The following MACF1 variants were observed in gnomAD, a reference collection of about 807,000 sequenced individuals.
MACF1 encodes the protein microtubule-actin cross-linking factor 1.
A neutral mutation model predicts 854.8 loss-of-function variants in MACF1; 193 were observed. The observed-to-expected ratio is 0.23, with a 90% CI of 0.20 to 0.25. The LOEUF is 0.25. MACF1 is among the 10% of genes least tolerant of loss of function. MACF1 has a pLI of 1.00. For synonymous variants in MACF1, 3,185 were observed against 3,226.7 expected (o/e 0.99, Z 0.44); for missense variants, 7,722 against 8,929.1 (o/e 0.86, Z 5.45).
Position 39,283,553 on chromosome 1 carries a change from A to T in MACF1, c.915+38A>T. The stretch of plus-strand genomic sequence containing the variant: ...TTTCCTAGAAGGCCTTCTGACTTTG[A>T]TTCATTTGGGTGAAATGCATTGGTT... On this transcript the variant is annotated intron_variant, in intron 9 of 100. Transcript: ENST00000564288. The surrounding 1 kb of genome is among the most constrained non-coding windows in gnomAD (Gnocchi z 4.5). The T allele has an allele frequency of 6.9e-7, 1 of 1,446,570 alleles. No homozygotes were observed. Among genetic ancestry groups the T allele is most frequent in the South Asian group, 1.1e-5 (1 of 87,030 alleles). 89.6% of individuals were successfully genotyped at this position (1,446,570 alleles called of 1,614,324 possible). A position where few individuals can be genotyped will look rare whatever the true frequency, so the allele number is the denominator to read the frequency against.
intron 89 of MACF1, chr1:39,458,125 GC>G: frequency 2.5e-6 from 1 of 395,548 alleles, no homozygotes. Flanking sequence ...TGAGGAATTT[GC>G]CCCCATAACT....
chr1:39,427,416 C>CT (rs1328517555), intron 61 of MACF1, 39 bp from the exon 62 acceptor site: 5 of 1,595,068 alleles, frequency 3.1e-6, no homozygotes, highest in Non-Finnish European at 4.3e-6. Flanking sequence ...TTTAATGTGA[C>CT]TTTTCTTCCT....
chr1:39,100,689 A>G (rs945986324), intron 2 of MACF1, among the ~76,000 whole-genome samples: 3 of 151,814 alleles, frequency 2.0e-5, no homozygotes, highest in African/African-American at 7.3e-5. Context: ...CCCCATCTCT[A>G]CGAAAAATAC....
chr1:39,438,303 C>T (rs1644024328), intron 71 of MACF1, among the ~76,000 whole-genome samples: 1 of 152,186 alleles, frequency 6.6e-6, no homozygotes, highest in Non-Finnish European at 1.5e-5. Flanking sequence ...TTTTGTAACA[C>T]TTTCCATGGG....
At chr1:39,237,680 T>G (rs1477738428) in intron 2 of MACF1, among the ~76,000 whole-genome samples, 1 of 151,960 alleles carries the variant, frequency 6.6e-6, no homozygotes, top group East Asian at 1.9e-4. Flanking sequence ...CTGATCAAAA[T>G]TACTTGTTCT....
At chr1:39,286,592 G>A (rs1315347975) in intron 14 of MACF1, among the ~76,000 whole-genome samples, 10 of 151,522 alleles carry the variant, frequency 6.6e-5, no homozygotes, top group Admixed American at 4.6e-4. Flanking sequence ...TCAGCCTCCG[G>A]AGTAGCTGGG....
chr1:39,372,449 C>G (rs1465540845), intron 51 of MACF1, 30 bp from the exon 52 acceptor site: 2 of 1,330,454 alleles, frequency 1.5e-6, no homozygotes, highest in Non-Finnish European at 2.2e-6. Context: ...GCCCCAGATA[C>G]TACATTTGGC....
At chr1:39,216,865 C>T (rs1252691506) in intron 1 of MACF1, among the ~76,000 whole-genome samples, 1 of 152,030 alleles carries the variant, frequency 6.6e-6, no homozygotes, top group East Asian at 1.9e-4. Context: ...TAATGTAGCC[C>T]CATCTCCCCC....
intron 2 of MACF1, among the ~76,000 whole-genome samples, chr1:39,128,540 C>CA (rs1196275163): frequency 6.0e-5 from 9 of 150,984 alleles, no homozygotes; most frequent in South Asian, 2.1e-4. Flanking sequence ...ACTAAAAATA[C>CA]AAAAAAAAAT....
rs777954340 is a variant in MACF1 at position 39,334,433 on chromosome 1, G to T, written c.7845G>T (p.Met2615Ile). 3.1e-6 allele frequency: 5 copies of T among 1,614,036 alleles called. No homozygotes were observed. Among genetic ancestry groups the T allele is most frequent in the Middle Eastern group, 1.6e-4 (1 of 6,062 alleles). Residue 2615 changes from methionine (M) to isoleucine (I), a missense_variant, in exon 37 of 101, where the codon ATG (methionine) becomes ATT (isoleucine). By Grantham distance (10) the Met-to-Ile change is conservative. Around this residue, in one of 15 missense-constraint regions of MACF1, gnomAD observed 1,531 missense variants for 1,601.6 expected, o/e 0.96. Coordinates refer to ENST00000564288, the MANE Select transcript of MACF1 (RefSeq NM_001394062.1). ...TNEAVLSPGMMHGIVDPENCR... is the reference protein window; with the variant it reads ...TNEAVLSPGMIHGIVDPENCR... ...AAGCAGTATTGTCTCCAGGAATGAT[G>T]CATGGCATTGTAGATCCCGAGAACT... is the stretch of plus-strand genomic sequence containing the variant.
chr1:39,230,611 G>A (rs1298817790), intron 1 of MACF1, among the ~76,000 whole-genome samples: 1 of 151,814 alleles, frequency 6.6e-6, no homozygotes, highest in Non-Finnish European at 1.5e-5. Context: ...GGAGAAAAAA[G>A]GAGTTTGCTG....
rs375426522 is a variant in MACF1, at chr1:39,335,199, C to T, written c.8611C>T (p.His2871Tyr). Reference sequence around the variant, plus strand: ...AGAATTTATCAGTATCATAAATCCTCATAATCTTAAAGGTAAATCCTTGGG... The same window carrying T: ...AGAATTTATCAGTATCATAAATCCTTATAATCTTAAAGGTAAATCCTTGGG... ...AKEFISIINP[H>Y]NLKGKSLGQV... The change falls in exon 37 of 101, where the codon CAT (histidine) becomes TAT (tyrosine). Residue 2871 changes from histidine to tyrosine, a missense_variant. His to Tyr is a moderately conservative substitution (Grantham distance 83, BLOSUM62 2). Around this residue, in one of 15 missense-constraint regions of MACF1, gnomAD observed 854 missense variants for 852.6 expected, o/e 1.00. Coordinates refer to ENST00000564288, the MANE Select transcript of MACF1 (RefSeq NM_001394062.1). 6.2e-7 allele frequency: 1 copy of T among 1,613,840 alleles called. No homozygotes were observed. Among genetic ancestry groups the T allele is most frequent in the Non-Finnish European group, 8.5e-7 (1 of 1,179,944 alleles).
chr1:39,361,816 C>T (rs1206926876), intron 49 of MACF1, 139 bp downstream of exon 49: 6 of 786,732 alleles, frequency 7.6e-6, no homozygotes, highest in Non-Finnish European at 1.2e-5. Flanking sequence ...TACAGTGATC[C>T]CGTAAACTAG....
chr1:39,166,181 C>T (rs953652234), intron 2 of MACF1, among the ~76,000 whole-genome samples: 4 of 151,594 alleles, frequency 2.6e-5, no homozygotes, highest in Non-Finnish European at 5.9e-5. Context: ...GATTCTCCTG[C>T]GTCAGCCTCC....
At chr1:39,254,819 A>G (rs1465222456) in intron 5 of MACF1, among the ~76,000 whole-genome samples, 1 of 152,222 alleles carries the variant, frequency 6.6e-6, no homozygotes, top group Non-Finnish European at 1.5e-5. Flanking sequence ...TTAAGCACTG[A>G]TAACTTAAGT....
intron 55 of MACF1, 49 bp from the exon 56 acceptor site, chr1:39,381,904 C>A: frequency 7.6e-7 from 1 of 1,319,810 alleles, no homozygotes; most frequent in South Asian, 1.2e-5. Context: ...GGTACCAGGC[C>A]AGTTGTTGAT....
intron 58 of MACF1, chr1:39,412,755 C>T (rs1643076570): frequency 1.2e-6 from 2 of 1,613,080 alleles, no homozygotes; most frequent in Non-Finnish European, 1.7e-6. Flanking sequence ...GGATACCCGT[C>T]CTCCAGAGAC....
chr1:39,173,327 A>G (rs1188297235), intron 2 of MACF1, among the ~76,000 whole-genome samples: 4 of 127,904 alleles, frequency 3.1e-5, no homozygotes, highest in African/African-American at 1.2e-4. Context: ...TGATGGAGCC[A>G]GACTCCATCT....
At chr1:39,104,624 A>G (rs564120297) in intron 2 of MACF1, among the ~76,000 whole-genome samples, 1 of 152,016 alleles carries the variant, frequency 6.6e-6, no homozygotes, top group South Asian at 2.1e-4. Context: ...CTCTCCTCTT[A>G]TTCACCCCAT....
Sources: allele counts gnomAD v4.1 joint callset (sites outside exome capture counted in the v4.1 genomes callset), GRCh38; gene constraint gnomAD v4.1.1; regional missense constraint gnomAD v4.1.1; non-coding constraint Gnocchi (gnomAD v3.1); transcripts MANE v1.5; gene names NCBI Gene and HGNC (gene_info 2026-07-23, HGNC 2026-07-21).